The following SVIL variants were observed in gnomAD, a reference collection of about 807,000 sequenced individuals.
SVIL encodes supervillin.
SVIL carries 101 observed loss-of-function variants against 240.4 expected under a neutral mutation model. The observed-to-expected ratio is 0.42, with a 90% confidence interval of 0.36 to 0.50. The LOEUF (loss-of-function observed/expected upper bound fraction) is 0.50, where lower values mean the gene tolerates loss of function less well. Ranked by LOEUF, SVIL falls within the 20% of genes least tolerant of loss-of-function variation. The pLI, the probability that SVIL is intolerant of heterozygous loss-of-function variation, is 0.01. For synonymous variants in SVIL, 999 were observed against 1,100.0 expected (o/e 0.91, Z 1.82); for missense variants, 2,512 against 2,818.7 (o/e 0.89, Z 2.46).
intron 1 of SVIL, among the ~76,000 whole-genome samples, chr10:29,627,569 T>C (rs1268101357): frequency 6.6e-6 from 1 of 152,278 alleles, no homozygotes; most frequent in East Asian, 1.9e-4. Context: ...CAAAGCATGT[T>C]GGCTGTTATG....
At chr10:29,657,631 C>T (rs1005633566) in intron 3 of SVIL, among the ~76,000 whole-genome samples, 12 of 152,254 alleles carry the variant, frequency 7.9e-5, no homozygotes, top group South Asian at 2.1e-4. Context: ...TCACACTCCC[C>T]GAAAGCTCCC....
At chr10:29,676,337 C>T (rs1283851809) in intron 2 of SVIL, among the ~76,000 whole-genome samples, 1 of 151,878 alleles carries the variant, frequency 6.6e-6, no homozygotes, top group Admixed American at 6.6e-5. Flanking sequence ...TAAACACATA[C>T]ACACTCATTC....
intron 1 of SVIL, among the ~76,000 whole-genome samples, chr10:29,581,242 G>A (rs1955933220): frequency 6.6e-6 from 1 of 152,146 alleles, no homozygotes; most frequent in Non-Finnish European, 1.5e-5. Context: ...CTTAATCTGA[G>A]GCAGAACTGC....
intron 1 of SVIL, among the ~76,000 whole-genome samples, chr10:29,581,374 G>C (rs1382728423): frequency 4.6e-5 from 7 of 152,130 alleles, no homozygotes; most frequent in African/African-American, 1.7e-4. Context: ...CTCCTCCTGC[G>C]TGCACTGTGA....
chr10:29,469,629 T>G (rs1441640285), intron 32 of SVIL, among the ~76,000 whole-genome samples: 1 of 152,240 alleles, frequency 6.6e-6, no homozygotes, highest in Admixed American at 6.5e-5. Context: ...CCCTGGGCTG[T>G]GGCCTTCACT....
intron 34 of SVIL, 149 bp downstream of exon 34, chr10:29,465,446 G>T: frequency 1.0e-6 from 1 of 979,452 alleles, no homozygotes; most frequent in Non-Finnish European, 1.5e-6. Flanking sequence ...TAGGGGTGAG[G>T]ATGAAAAGAG....
intron 17 of SVIL, among the ~76,000 whole-genome samples, chr10:29,510,202 CT>C (rs1387086635): frequency 7.9e-5 from 12 of 152,234 alleles, no homozygotes; most frequent in African/African-American, 2.7e-4. Context: ...CAAAGTAAAT[CT>C]TAACATAATA....
chr10:29,460,007 G>A (rs181417413), intron 36 of SVIL, among the ~76,000 whole-genome samples: 87 of 152,214 alleles, frequency 5.7e-4, no homozygotes, highest in East Asian at 1.7e-3. Context: ...TGGTAGGGTC[G>A]TTTGAGCCCA....
chr10:29,560,759 CTATT>C (rs1169035981), intron 3 of SVIL, among the ~76,000 whole-genome samples: 1 of 151,748 alleles, frequency 6.6e-6, no homozygotes, highest in African/African-American at 2.4e-5. Context: ...CCAAATCTGC[CTATT>C]TTTTTCATAA....
intron 21 of SVIL, among the ~76,000 whole-genome samples, chr10:29,492,573 G>A (rs570098480): frequency 1.6e-4 from 24 of 152,240 alleles, no homozygotes; most frequent in South Asian, 6.2e-4. Flanking sequence ...AAAGCCCTCC[G>A]CACTTTTCTT....
At chr10:29,616,643 T>G (rs1256058986) in intron 1 of SVIL, among the ~76,000 whole-genome samples, 1 of 152,230 alleles carries the variant, frequency 6.6e-6, no homozygotes, top group Non-Finnish European at 1.5e-5. Context: ...TGCGCCCACT[T>G]TTTCTGCCTA....
At chr10:29,725,632 G>A (rs1225572357) in intron 1 of SVIL, among the ~76,000 whole-genome samples, 3 of 152,154 alleles carry the variant, frequency 2.0e-5, no homozygotes, top group Admixed American at 1.3e-4. Flanking sequence ...CACCATTGAG[G>A]GGATCAAGGC....
At chr10:29,638,385 G>A (rs1368968214), upstream of SVIL, among the ~76,000 whole-genome samples, 1 of 151,872 alleles carries the variant, frequency 6.6e-6, no homozygotes, top group Non-Finnish European at 1.5e-5. Context: ...AGAATTGCTT[G>A]AACCCGGGAG....
intron 1 of SVIL, among the ~76,000 whole-genome samples, chr10:29,617,346 A>G (rs965873425): frequency 6.6e-6 from 1 of 152,204 alleles, no homozygotes; most frequent in African/African-American, 2.4e-5. Context: ...GGATAAAGAA[A>G]GAGTTTTTCT....
intron 12 of SVIL, among the ~76,000 whole-genome samples, chr10:29,528,218 G>A (rs1951076356): frequency 6.6e-6 from 1 of 152,022 alleles, no homozygotes; most frequent in East Asian, 1.9e-4. Context: ...TTTGCAAAGA[G>A]TTCCTAATGA....
chr10:29,524,525 T>A lies in SVIL; in HGVS notation c.2533A>T (p.Arg845Ter). 1.2e-6 allele frequency: 2 copies of A among 1,614,194 alleles called. No homozygotes were observed. The highest frequency in any genetic ancestry group is 1.7e-6 in the Non-Finnish European group (2 of 1,180,040). Residue 845 changes from arginine to a stop codon, truncating the protein, a stop_gained, in exon 14 of 38, where the codon AGA becomes TGA. Transcript: ENST00000355867. LOFTEE classifies it high-confidence loss of function. ...TGAGTTTGATAGCGAGCGTTCATTC[T>A]CCTCTGTCTCGTGTCTATTCTGTTC... Reference protein sequence around the residue: ...TRNRIDTRQRRMNARYQTQPV... With the variant: ...TRNRIDTRQR
chr10:29,673,072 C>G (rs920065508), intron 2 of SVIL, among the ~76,000 whole-genome samples: 7 of 152,110 alleles, frequency 4.6e-5, no homozygotes, highest in African/African-American at 1.7e-4. Flanking sequence ...CACCGCCACA[C>G]CCAGCTAATT....
At chr10:29,697,124 T>C (rs1310308020) in intron 1 of SVIL, among the ~76,000 whole-genome samples, 31 of 64,240 alleles carry the variant, frequency 4.8e-4, no homozygotes, top group South Asian at 7.8e-4. Context: ...GGCCAGCCGC[T>C]CCGTCCGGGA....
intron 1 of SVIL, among the ~76,000 whole-genome samples, chr10:29,693,627 C>T (rs560813971): frequency 3.4e-4 from 51 of 152,210 alleles, no homozygotes; most frequent in African/African-American, 1.1e-3. Context: ...AGAGCCAAGC[C>T]GCTGTGTGCA....
Sources: allele counts gnomAD v4.1 joint callset (sites outside exome capture counted in the v4.1 genomes callset), GRCh38; gene constraint gnomAD v4.1.1; transcripts MANE v1.5; gene names NCBI Gene and HGNC (gene_info 2026-07-23, HGNC 2026-07-21).